Variants in DMD observed in about 807,000 individuals in gnomAD.
DMD encodes dystrophin, also known as mutant dystrophin.
In DMD, 63 loss-of-function variants were observed where a neutral mutation model predicts 330.1. The observed-to-expected ratio is 0.19, with a 90% CI of 0.16 to 0.24. DMD has a LOEUF of 0.24. Ranked by LOEUF, DMD falls within the 10% of genes least tolerant of loss-of-function variation. The probability of loss-of-function intolerance (pLI) is 1.00; values close to 1 mark genes in which losing one functional copy is unlikely to be tolerated. For synonymous variants in DMD, 1,223 were observed against 959.8 expected, an observed-to-expected ratio of 1.27 and a Z score of -5.07; for missense variants, 3,344 against 2,684.1, an observed-to-expected ratio of 1.25 and a Z score of -5.43.
intron 48 of DMD, among the ~76,000 whole-genome samples, chrX:31,839,995 C>A (rs779112599): frequency 4.2e-4 from 47 of 111,488 alleles, no homozygotes; most frequent in African/African-American, 1.4e-3. Flanking sequence ...GATGTACTAG[C>A]ATGGAAAAGC....
intron 52 of DMD, among the ~76,000 whole-genome samples, chrX:31,715,239 C>G (rs1241213747): frequency 9.7e-6 from 1 of 102,870 alleles, no homozygotes; most frequent in African/African-American, 3.6e-5. Context: ...AGCTGCGAAA[C>G]TGAACTTCTT....
intron 55 of DMD, among the ~76,000 whole-genome samples, chrX:31,578,205 G>A (rs1378333518): frequency 1.8e-5 from 2 of 111,667 alleles, no homozygotes; most frequent in Non-Finnish European, 3.8e-5. Context: ...GCTATATGGG[G>A]TGGAAAATGC....
At chrX:32,953,312 A>G (rs2091373473) in intron 2 of DMD, among the ~76,000 whole-genome samples, 1 of 111,283 alleles carries the variant, frequency 9.0e-6, no homozygotes, top group Non-Finnish European at 1.9e-5. Context: ...AAGATGGGTA[A>G]GAGCAAAACT....
intron 29 of DMD, among the ~76,000 whole-genome samples, chrX:32,418,727 C>T (rs1261231620): frequency 9.1e-6 from 1 of 110,017 alleles, no homozygotes; most frequent in African/African-American, 3.3e-5. Flanking sequence ...TGTTTAGAAC[C>T]GGCAAGATGA....
intron 29 of DMD, among the ~76,000 whole-genome samples, chrX:32,429,720 G>A (rs1431632934): frequency 9.2e-6 from 1 of 109,228 alleles, no homozygotes; most frequent in East Asian, 2.9e-4. Context: ...ATTTATTACA[G>A]CATAAAGTCG....
intron 7 of DMD, among the ~76,000 whole-genome samples, chrX:32,711,620 C>T (rs1314083966): frequency 8.9e-6 from 1 of 111,982 alleles, no homozygotes; most frequent in Non-Finnish European, 1.9e-5. Flanking sequence ...AAAAGCCATA[C>T]ATGCTTATTG....
chrX:32,371,873 C>T (rs2097879936), intron 34 of DMD, among the ~76,000 whole-genome samples: 1 of 111,431 alleles, frequency 9.0e-6, no homozygotes, highest in South Asian at 3.7e-4. Flanking sequence ...CACGGGTTTT[C>T]ATTTTATTAT....
rs900089672 is a variant in DMD at position 31,932,210 on chromosome X, T to C, written c.6632A>G (p.Asn2211Ser). ...DRKKRLEEQK[N>S]ILSEFQRDLN... is the part of the protein sequence containing the mutation. ...ATCTCTTTGAAATTCTGACAAGATA[T>C]TCTTTTGTTCTTCTAGCCTGGAGAA... Residue 2211 changes from asparagine to serine, a missense_variant, in exon 46 of 79, where the codon AAT becomes AGT. Asn to Ser is a conservative substitution (Grantham distance 46, BLOSUM62 1). Transcript: ENST00000357033. 1.5e-5 allele frequency: 18 copies of C among 1,181,968 alleles called. No individual in the cohort carries two copies. The highest frequency in any genetic ancestry group is 2.0e-5 in the Non-Finnish European group (17 of 870,148).
intron 44 of DMD, chrX:32,206,800 T>C: frequency 2.5e-6 from 1 of 394,747 alleles, no homozygotes; most frequent in Non-Finnish European, 4.7e-6. Context: ...TAACAGTTGA[T>C]ATCTGGCTGT....
intron 44 of DMD, among the ~76,000 whole-genome samples, chrX:32,154,911 T>C (rs1020664178): frequency 9.1e-6 from 1 of 109,357 alleles, no homozygotes. Flanking sequence ...TGATGGAGTA[T>C]AGAAGAAAGA....
At chrX:32,398,266 C>A (rs149293178) in intron 30 of DMD, among the ~76,000 whole-genome samples, 24 of 88,339 alleles carry the variant, frequency 2.7e-4, no homozygotes, top group East Asian at 8.4e-4. Context: ...TTTTTAAACC[C>A]CCCCCCCCAA....
chrX:31,892,410 C>T (rs753310840), intron 47 of DMD, among the ~76,000 whole-genome samples: 8 of 110,248 alleles, frequency 7.3e-5, no homozygotes, highest in African/African-American at 2.6e-4. Context: ...CCAGAATATG[C>T]CTATTTGGAA....
intron 1 of DMD, among the ~76,000 whole-genome samples, chrX:33,158,517 C>T (rs971496078): frequency 1.8e-5 from 2 of 111,616 alleles, no homozygotes; most frequent in African/African-American, 6.5e-5. Context: ...CCCCTCTGAC[C>T]CACCACTGGG....
At chrX:32,559,211 C>G (rs901084592) in intron 16 of DMD, among the ~76,000 whole-genome samples, 2 of 109,772 alleles carry the variant, frequency 1.8e-5, no homozygotes, top group Admixed American at 2.0e-4. Flanking sequence ...CCTTGTCCTC[C>G]CAAAGTACTG....
At chrX:32,711,193 T>TA (rs2065154155) in intron 7 of DMD, among the ~76,000 whole-genome samples, 1 of 111,689 alleles carries the variant, frequency 9.0e-6, no homozygotes, top group Admixed American at 9.6e-5. Flanking sequence ...TTAAAACTGA[T>TA]ATGCTAAATA....
intron 51 of DMD, among the ~76,000 whole-genome samples, chrX:31,758,490 C>CT (rs1219849169): frequency 9.0e-6 from 1 of 111,255 alleles, no homozygotes; most frequent in Non-Finnish European, 1.9e-5. Flanking sequence ...AGAAAATACG[C>CT]TTTTTTGGAA....
At chrX:32,521,635 A>T (rs2046432414) in intron 17 of DMD, among the ~76,000 whole-genome samples, 1 of 112,302 alleles carries the variant, frequency 8.9e-6, no homozygotes, top group South Asian at 3.7e-4. Flanking sequence ...TGCCTATTGG[A>T]TGTCTCCACT....
At chrX:32,712,472 G>C (rs2065278439) in intron 7 of DMD, among the ~76,000 whole-genome samples, 1 of 111,617 alleles carries the variant, frequency 9.0e-6, no homozygotes. Context: ...ATACTAAATT[G>C]TCTGATTAAA....
intron 1 of DMD, among the ~76,000 whole-genome samples, chrX:33,237,189 CTCCTTCCCTCCCTTCCTCCCT>C (rs1237691409): frequency 1.1e-5 from 1 of 94,794 alleles, no homozygotes; most frequent in Non-Finnish European, 2.1e-5. Flanking sequence ...CCCTTCCTCC[CTCCTTCCCTCCCTTCCTCCCT>C]TCCTTCCCTC....
Sources: gnomAD v4.1 joint callset for allele counts (sites outside exome capture counted in the v4.1 genomes callset) on GRCh38, gnomAD v4.1.1 for gene constraint, MANE v1.5 for transcripts, NCBI Gene and HGNC (gene_info 2026-07-23, HGNC 2026-07-21) for gene names.